NRXN3: variants seen among roughly 807,000 people sequenced by gnomAD.
NRXN3 encodes the protein neurexin III.
In NRXN3, 32 loss-of-function variants were observed where a neutral mutation model predicts 137.6. That is an observed-to-expected ratio of 0.23 (90% CI 0.18 to 0.31). The LOEUF (loss-of-function observed/expected upper bound fraction) is 0.31. NRXN3 is among the 10% of genes least tolerant of loss of function. The probability of loss-of-function intolerance (pLI) is 1.00; values close to 1 mark genes in which losing one functional copy is unlikely to be tolerated. For missense variants in NRXN3, 1,574 were observed against 2,062.5 expected (o/e 0.76, Z 4.59); for synonymous variants, 798 against 784.5 (o/e 1.02, Z -0.29).
chr14:79,802,135 T>G (rs930711375), intron 19 of NRXN3, among the ~76,000 whole-genome samples: 3 of 152,198 alleles, frequency 2.0e-5, no homozygotes, highest in African/African-American at 4.8e-5. Flanking sequence ...ATTATGTTAA[T>G]GTATGTTTTG....
chr14:78,928,823 G>T (rs1234660033), intron 10 of NRXN3, among the ~76,000 whole-genome samples: 1 of 152,120 alleles, frequency 6.6e-6, no homozygotes, highest in African/African-American at 2.4e-5. Context: ...ACCCAGTAAT[G>T]GGATTGCTGG....
At chr14:78,646,924 G>A (rs1176187076) in intron 5 of NRXN3, among the ~76,000 whole-genome samples, 1 of 152,194 alleles carries the variant, frequency 6.6e-6, no homozygotes, top group Non-Finnish European at 1.5e-5. Flanking sequence ...GAGCTGCAGA[G>A]ACTAGACCTA....
intron 4 of NRXN3, among the ~76,000 whole-genome samples, chr14:78,541,811 A>T (rs1246681627): frequency 3.3e-5 from 5 of 150,966 alleles, no homozygotes; most frequent in Admixed American, 3.3e-4. Flanking sequence ...GGTGTAGATG[A>T]CCTTTCTGTT....
chr14:78,469,261 C>A (rs116435732), intron 4 of NRXN3, among the ~76,000 whole-genome samples: 244 of 152,068 alleles, frequency 1.6e-3, no homozygotes, highest in African/African-American at 5.7e-3. Context: ...TGTGCCCATA[C>A]GTTAGAATCA....
intron 15 of NRXN3, among the ~76,000 whole-genome samples, chr14:79,113,054 A>C (rs898598101): frequency 6.6e-6 from 1 of 152,178 alleles, no homozygotes; most frequent in Non-Finnish European, 1.5e-5. Flanking sequence ...TTCAAATAAC[A>C]ACTTGCTGTT....
chr14:78,570,359 G>A (rs1237652766), intron 4 of NRXN3, among the ~76,000 whole-genome samples: 1 of 152,168 alleles, frequency 6.6e-6, no homozygotes, highest in Non-Finnish European at 1.5e-5. Flanking sequence ...CCAGAATGCA[G>A]TACTGTGAGA....
chr14:78,333,881 C>T lies in NRXN3; in HGVS notation c.757+36021C>T, dbSNP rs114728695. Among the ~76,000 whole-genome samples, 1,427 of 152,212 alleles carry T rather than the reference C, an allele frequency of 9.4e-3. 19 individuals are homozygous for T. The highest frequency in any genetic ancestry group is 0.033 in the African/African-American group (1,355 of 41,522). The stretch of plus-strand genomic sequence containing the variant: ...CTGCAGCAGGGCCATTTGGGAGGCT[C>T]CTGCCGTAATCCAGGTGAGAGATTG... On this transcript the variant is annotated intron_variant, in intron 4 of 20. Coordinates refer to ENST00000335750, the MANE Select transcript of NRXN3 (RefSeq NM_001330195.2).
chr14:79,191,958 G>A (rs4903837), intron 15 of NRXN3, among the ~76,000 whole-genome samples: 5,419 of 151,910 alleles, frequency 0.036, 234 homozygotes, highest in East Asian at 0.21. Flanking sequence ...ACCCAGAAAC[G>A]ACAGTGCTTA....
At chr14:78,183,519 G>C (rs189986057) in intron 1 of NRXN3, among the ~76,000 whole-genome samples, 146 of 152,314 alleles carry the variant, frequency 9.6e-4, no homozygotes, top group Non-Finnish European at 1.6e-3. Flanking sequence ...AGAGAAAGGA[G>C]ATGTGTCAAT....
rs1342969607 is a variant in NRXN3, at chr14:79,127,502, T to C, written c.3262+139361T>C. ...GATAGTTGTAGATATGCGGCGTTAT[T>C]TCTGAGGGCTCTGTTCTGTTCCATT... On this transcript the variant is annotated intron_variant, in intron 15 of 20. Transcript: ENST00000335750. Among the ~76,000 whole-genome samples the C allele has an allele frequency of 2.6e-5, 4 of 152,204 alleles. No homozygotes were observed. In the South Asian group the frequency reaches 6.2e-4, roughly 24 times the overall value.
chr14:78,504,882 T>C (rs1431019105), intron 4 of NRXN3, among the ~76,000 whole-genome samples: 1 of 152,120 alleles, frequency 6.6e-6, no homozygotes, highest in Admixed American at 6.5e-5. Context: ...TGGGCCCGAC[T>C]TACTAGGCCA....
At chr14:79,179,392 A>T (rs1314715545) in intron 15 of NRXN3, among the ~76,000 whole-genome samples, 1 of 152,166 alleles carries the variant, frequency 6.6e-6, no homozygotes, top group Non-Finnish European at 1.5e-5. Flanking sequence ...CTGTATTGTT[A>T]ATCTACTTGG....
At chr14:79,225,533 C>T (rs2070701055) in intron 15 of NRXN3, among the ~76,000 whole-genome samples, 1 of 152,094 alleles carries the variant, frequency 6.6e-6, no homozygotes, top group Non-Finnish European at 1.5e-5. Context: ...GCAACCTTTG[C>T]AATTTAAAAC....
At chr14:79,041,195 T>A (rs1595268709) in intron 15 of NRXN3, among the ~76,000 whole-genome samples, 1 of 152,222 alleles carries the variant, frequency 6.6e-6, no homozygotes, top group Admixed American at 6.5e-5. Context: ...GGCACATTAT[T>A]GTCACTGTTT....
intron 4 of NRXN3, among the ~76,000 whole-genome samples, chr14:78,594,218 G>T (rs2097140887): frequency 6.6e-6 from 1 of 152,208 alleles, no homozygotes; most frequent in African/African-American, 2.4e-5. Context: ...AGCATCGAGG[G>T]CGTGCCTCCT....
chr14:79,685,011 T>C (rs1187591714), intron 17 of NRXN3, among the ~76,000 whole-genome samples: 1 of 152,114 alleles, frequency 6.6e-6, no homozygotes, highest in Non-Finnish European at 1.5e-5. Flanking sequence ...TGGGGAAATC[T>C]TGAAGGGATC....
chr14:79,658,754 GT>G (rs1482272521), intron 16 of NRXN3, among the ~76,000 whole-genome samples: 1 of 152,150 alleles, frequency 6.6e-6, no homozygotes, highest in Non-Finnish European at 1.5e-5. Context: ...TGCCTTCCTT[GT>G]GTTCTTGCCT....
chr14:78,681,066 T>C (rs1355840854), intron 6 of NRXN3, among the ~76,000 whole-genome samples: 1 of 152,238 alleles, frequency 6.6e-6, no homozygotes, highest in Non-Finnish European at 1.5e-5. Context: ...AGCAAGCAGC[T>C]GATAGAGACA....
intron 6 of NRXN3, among the ~76,000 whole-genome samples, chr14:78,654,570 C>T (rs745661491): frequency 1.3e-5 from 2 of 152,190 alleles, no homozygotes. Flanking sequence ...TACTTGTGTG[C>T]GTACTTCCTA....
Sources: allele counts gnomAD v4.1 joint callset (sites outside exome capture counted in the v4.1 genomes callset), GRCh38; gene constraint gnomAD v4.1.1; transcripts MANE v1.5; gene names NCBI Gene and HGNC (gene_info 2026-07-23, HGNC 2026-07-21).